CD44: variants seen among roughly 807,000 people sequenced by gnomAD.
CD44 encodes the protein CD44 antigen.
A neutral mutation model predicts 88.8 loss-of-function variants in CD44; 49 were observed. The observed-to-expected ratio is 0.55, with a 90% CI of 0.44 to 0.70. CD44 has a LOEUF of 0.70. CD44 is among the 30% of genes least tolerant of loss of function. The probability of loss-of-function intolerance (pLI) is 0.00; values close to 1 mark genes in which losing one functional copy is unlikely to be tolerated. For missense variants in CD44, 883 were observed against 913.8 expected (o/e 0.97, Z 0.43); for synonymous variants, 325 against 312.3 (o/e 1.04, Z -0.43).
At chr11:35,154,379 G>A (rs1941582255) in intron 1 of CD44, among the ~76,000 whole-genome samples, 1 of 152,184 alleles carries the variant, frequency 6.6e-6, no homozygotes, top group South Asian at 2.1e-4. Flanking sequence ...TAGGGCCTCA[G>A]TCCTTTAGCT....
At position 35,229,313 on chromosome 11, in the gene CD44, G is replaced by A. The variant is rs750891021; in HGVS notation, c.2209G>A (p.Asp737Asn). Residue 737 changes from aspartate (D) to asparagine (N), a missense_variant, in exon 18 of 18, where the codon GAC becomes AAC. Asp to Asn is a conservative substitution (Grantham distance 23, BLOSUM62 1). Transcript: ENST00000428726. Reference sequence around the variant, plus strand: ...TGAGACAAGGAACCTGCAGAATGTGGACATGAAGATTGGGGTGTAACACCT... The same window carrying A: ...TGAGACAAGGAACCTGCAGAATGTGAACATGAAGATTGGGGTGTAACACCT... ...ADETRNLQNV[D>N]MKIGV is the part of the protein sequence containing the mutation. 4.3e-6 allele frequency: 7 copies of A among 1,612,834 alleles called. No homozygotes were observed. Among genetic ancestry groups the A allele is most frequent in the Non-Finnish European group, 5.9e-6 (7 of 1,178,940 alleles).
chr11:35,176,631 T>C lies in CD44; in HGVS notation c.124T>C (p.Tyr42His), dbSNP rs745778696. ...ATTCCACGTGGAGAAAAATGGTCGCTACAGCATCTCTCGGACGGAGGCCGC... is the reference window on the plus strand; with the variant it reads ...ATTCCACGTGGAGAAAAATGGTCGCCACAGCATCTCTCGGACGGAGGCCGC... ...GVFHVEKNGR[Y>H]SISRTEAADL... The change falls in exon 2 of 18, where the codon TAC becomes CAC. Residue 42 changes from tyrosine (Y) to histidine (H), a missense_variant. Coordinates refer to ENST00000428726, the MANE Select transcript of CD44 (RefSeq NM_000610.4). The C allele has an allele frequency of 1.9e-6, 3 of 1,614,224 alleles. No homozygotes were observed.
At chr11:35,183,920 T>G (rs1212789601) in intron 3 of CD44, among the ~76,000 whole-genome samples, 1 of 152,226 alleles carries the variant, frequency 6.6e-6, no homozygotes, top group Non-Finnish European at 1.5e-5. Context: ...ATACCTAAAA[T>G]GTATCAAGCA....
intron 1 of CD44, among the ~76,000 whole-genome samples, chr11:35,160,512 G>T (rs1252468469): frequency 6.6e-6 from 1 of 152,196 alleles, no homozygotes; most frequent in Non-Finnish European, 1.5e-5. Flanking sequence ...GTAGGAGAGA[G>T]TCACACGGAT....
intron 1 of CD44, among the ~76,000 whole-genome samples, chr11:35,170,869 T>C (rs910444253): frequency 6.6e-6 from 1 of 152,210 alleles, no homozygotes; most frequent in African/African-American, 2.4e-5. Context: ...TGTCAAGCAA[T>C]GTTCTGTGGT....
intron 15 of CD44, among the ~76,000 whole-genome samples, chr11:35,217,492 G>A (rs759695108): frequency 6.6e-6 from 1 of 152,190 alleles, no homozygotes; most frequent in Non-Finnish European, 1.5e-5. Flanking sequence ...ACACTGGAAG[G>A]CATGTAGGGA....
At position 35,201,210 on chromosome 11, in the gene CD44, A is replaced by G. The variant is rs1057152126; in HGVS notation, c.1036+15A>G. On this transcript the variant is annotated intron_variant, in intron 8 of 17. Transcript: ENST00000428726. ...AAGGATGACTGGTAATGGGTTCTGC[A>G]TATTTAATGAAAGATTTTTTTCCCC... The G allele has an allele frequency of 9.7e-6, 15 of 1,550,516 alleles. No homozygotes were observed. The highest frequency in any genetic ancestry group is 1.2e-5 in the Non-Finnish European group (14 of 1,121,944).
At chr11:35,160,428 T>C (rs1380041520) in intron 1 of CD44, among the ~76,000 whole-genome samples, 1 of 152,218 alleles carries the variant, frequency 6.6e-6, no homozygotes, top group Admixed American at 6.5e-5. Flanking sequence ...TTTTACTGGC[T>C]AGTCCACCCT....
chr11:35,167,215 T>C (rs1468447916), intron 1 of CD44, among the ~76,000 whole-genome samples: 1 of 152,184 alleles, frequency 6.6e-6, no homozygotes, highest in Non-Finnish European at 1.5e-5. Context: ...AGCACTGGTG[T>C]AGGAGTCAGA....
chr11:35,204,694 C>T (rs1356124495), intron 10 of CD44, 54 bp downstream of exon 10: 14 of 1,532,758 alleles, frequency 9.1e-6, no homozygotes, highest in Admixed American at 1.7e-5. Context: ...TTGGGTTAAA[C>T]GGTAGACATT....
At chr11:35,153,567 C>T (rs1941464137) in intron 1 of CD44, among the ~76,000 whole-genome samples, 1 of 152,210 alleles carries the variant, frequency 6.6e-6, no homozygotes, top group Non-Finnish European at 1.5e-5. Flanking sequence ...ACTAGTTGAA[C>T]ACCAATATCT....
intron 11 of CD44, among the ~76,000 whole-genome samples, chr11:35,206,523 G>C (rs540290337): frequency 5.6e-4 from 85 of 152,192 alleles, no homozygotes; most frequent in African/African-American, 2.0e-3. Flanking sequence ...GATATGAAAT[G>C]AATGTTGCCA....
intron 1 of CD44, among the ~76,000 whole-genome samples, chr11:35,173,963 T>G (rs1944184455): frequency 6.6e-6 from 1 of 152,216 alleles, no homozygotes; most frequent in Non-Finnish European, 1.5e-5. Flanking sequence ...AAGAGCTGGG[T>G]GACGTTGGGG....
chr11:35,223,435 G>A (rs952234818), intron 17 of CD44: 12 of 256,362 alleles, frequency 4.7e-5, no homozygotes, highest in East Asian at 1.8e-4. Flanking sequence ...GGATGCTGTC[G>A]ACATTTAGGG....
chr11:35,189,835 C>G lies in CD44; in HGVS notation c.437C>G (p.Thr146Ser). 6.2e-7 allele frequency: 1 copy of G among 1,606,230 alleles called. No homozygotes were observed. The highest frequency in any genetic ancestry group is 8.5e-7 in the Non-Finnish European group (1 of 1,173,496). Residue 146 changes from threonine to serine, a missense_variant and splice_region_variant, in exon 5 of 18, where the codon ACT becomes AGT. By Grantham distance (58) the Thr-to-Ser change is moderately conservative. Transcript: ENST00000428726. Reference protein sequence around the residue: ...PNAFDGPITITIVNRDGTRYV... With the variant: ...PNAFDGPITISIVNRDGTRYV... ...TGTAAGTACCTTTTCTCTCTCCCAG[C>G]TATTGTTAACCGTGATGGCACCCGC... is the stretch of plus-strand genomic sequence containing the variant.
chr11:35,188,173 G>A (rs964308150), intron 4 of CD44, among the ~76,000 whole-genome samples: 1 of 152,248 alleles, frequency 6.6e-6, no homozygotes, highest in African/African-American at 2.4e-5. Flanking sequence ...GCACAGGCAT[G>A]ATGTTGGCAG....
intron 1 of CD44, chr11:35,139,653 A>T: frequency 2.9e-6 from 2 of 701,264 alleles, no homozygotes; most frequent in Non-Finnish European, 5.3e-6. Flanking sequence ...GCTGCAGCAC[A>T]TGGCAGAAAG....
intron 15 of CD44, among the ~76,000 whole-genome samples, chr11:35,218,657 T>C (rs976524294): frequency 6.6e-6 from 1 of 152,152 alleles, no homozygotes; most frequent in African/African-American, 2.4e-5. Context: ...TATGATGCTA[T>C]TGGATGAGAT....
At chr11:35,177,628 T>G (rs929062754) in intron 2 of CD44, among the ~76,000 whole-genome samples, 1 of 152,218 alleles carries the variant, frequency 6.6e-6, no homozygotes, top group African/African-American at 2.4e-5. Context: ...AAAGTCAAGC[T>G]GCAGAACTCT....
Sources: gnomAD v4.1 joint callset for allele counts (sites outside exome capture counted in the v4.1 genomes callset) on GRCh38, gnomAD v4.1.1 for gene constraint, MANE v1.5 for transcripts, NCBI Gene and HGNC (gene_info 2026-07-23, HGNC 2026-07-21) for gene names.